Variants in RASGRP3 observed in about 807,000 individuals in gnomAD.
RASGRP3 encodes ras guanyl-releasing protein 3.
A neutral mutation model predicts 82.7 loss-of-function variants in RASGRP3; 54 were observed. The observed-to-expected ratio is 0.65, with a 90% CI of 0.52 to 0.82. RASGRP3 has a LOEUF of 0.82. Among genes scored for constraint, RASGRP3 ranks in the 40% least tolerant of loss-of-function variants. The pLI is 0.00. For missense variants in RASGRP3, 861 were observed against 828.9 expected, an observed-to-expected ratio of 1.04 and a Z score of -0.48; for synonymous variants, 309 against 300.5, an observed-to-expected ratio of 1.03 and a Z score of -0.29.
At chr2:33,552,026 CA>C (rs59430355) in intron 14 of RASGRP3, among the ~76,000 whole-genome samples, 17,090 of 86,028 alleles carry the variant, frequency 0.2, 1,590 homozygotes, top group African/African-American at 0.41. Context: ...AACAAACAAA[CA>C]GAGAAACAAA....
intron 2 of RASGRP3, among the ~76,000 whole-genome samples, chr2:33,470,294 T>TA (rs1666978430): frequency 1.3e-5 from 2 of 152,182 alleles, no homozygotes; most frequent in Non-Finnish European, 2.9e-5. Context: ...TCAGTAAAGT[T>TA]ACATTTTTAA....
intron 2 of RASGRP3, among the ~76,000 whole-genome samples, chr2:33,453,088 T>C (rs897938894): frequency 2.6e-5 from 4 of 152,212 alleles, no homozygotes; most frequent in Admixed American, 2.6e-4. Context: ...ATGACACTCT[T>C]TCTCGCCCTC....
chr2:33,490,640 A>G (rs1000292150), intron 1 of RASGRP3, among the ~76,000 whole-genome samples: 9 of 152,224 alleles, frequency 5.9e-5, no homozygotes, highest in Admixed American at 5.9e-4. Flanking sequence ...TAGATGTTGG[A>G]AAGCCCAAGG....
upstream of RASGRP3, among the ~76,000 whole-genome samples, chr2:33,475,661 C>T (rs1028903674): frequency 6.6e-5 from 10 of 152,130 alleles, no homozygotes; most frequent in Non-Finnish European, 1.5e-4. Context: ...CAAGGTCAGA[C>T]ACTACGTAAA....
At chr2:33,549,794 G>T (rs143848038) in intron 14 of RASGRP3, 43 bp downstream of exon 14, 5 of 1,570,622 alleles carry the variant, frequency 3.2e-6, no homozygotes, top group African/African-American at 1.4e-5. Context: ...GTAGTTATTT[G>T]TGTGGCATTC....
rs1235554417 is a variant in RASGRP3, at chr2:33,564,362, T to C, written c.*1625T>C. Reference sequence around the variant, plus strand: ...TCAGTTGGAGGAGCTGTGATTAAGCTGGATAATAAGAGAACGTGCCATCTG... The same window carrying C: ...TCAGTTGGAGGAGCTGTGATTAAGCCGGATAATAAGAGAACGTGCCATCTG... On this transcript the variant is annotated 3_prime_UTR_variant, in exon 18 of 18. Coordinates refer to ENST00000403687, the MANE Select transcript of RASGRP3 (RefSeq NM_001139488.2). The C allele has an allele frequency of 6.6e-6, 1 of 152,210 alleles. No individual in the cohort carries two copies. The highest frequency in any genetic ancestry group is 1.5e-5 in the Non-Finnish European group (1 of 68,032). The allele number at this position is 152,210 out of a possible 1,614,324, so 9.4% of individuals were successfully genotyped here.
intron 1 of RASGRP3, among the ~76,000 whole-genome samples, chr2:33,507,194 A>T (rs1296500284): frequency 6.6e-6 from 1 of 152,198 alleles, no homozygotes; most frequent in Non-Finnish European, 1.5e-5. Flanking sequence ...TCAGGAATTC[A>T]GACCATCCTG....
At chr2:33,558,365 T>C in intron 16 of RASGRP3, 29 bp downstream of exon 16, 1 of 1,612,238 alleles carries the variant, frequency 6.2e-7, no homozygotes, top group Non-Finnish European at 8.5e-7. Context: ...TTTGCTGCCA[T>C]GGTCTCTTTC....
chr2:33,529,468 A>T (rs1360280289), intron 10 of RASGRP3, among the ~76,000 whole-genome samples: 1 of 95,584 alleles, frequency 1.0e-5, no homozygotes, highest in East Asian at 3.2e-4. Context: ...GCACTGGGCG[A>T]CAGAGCGAGA....
At chr2:33,531,803 GC>G (rs1673129070) in intron 10 of RASGRP3, 1 of 151,988 alleles carries the variant, frequency 6.6e-6, no homozygotes. Flanking sequence ...GCATCTCCTT[GC>G]CTTACTGTGT....
At chr2:33,496,752 A>C (rs1348819671) in intron 1 of RASGRP3, among the ~76,000 whole-genome samples, 1 of 152,138 alleles carries the variant, frequency 6.6e-6, no homozygotes, top group Non-Finnish European at 1.5e-5. Flanking sequence ...AACTACTCAG[A>C]AGGCTGAGAT....
rs1408682684 is a variant in RASGRP3 at position 33,564,326 on chromosome 2, A to T, written c.*1589A>T. 6.6e-6 allele frequency: 1 copy of T among 151,962 alleles called. No individual in the cohort carries two copies. Among genetic ancestry groups the T allele is most frequent in the East Asian group, 1.9e-4 (1 of 5,180 alleles). The allele number at this position is 151,962 out of a possible 1,614,324, so 9.4% of individuals were successfully genotyped here. A position where few individuals can be genotyped will look rare whatever the true frequency, so the allele number is the denominator to read the frequency against. On this transcript the variant is annotated 3_prime_UTR_variant, in exon 18 of 18. Coordinates refer to ENST00000403687, the MANE Select transcript of RASGRP3 (RefSeq NM_001139488.2). ...TTACAGATTGGAAATACTGCAGATG[A>T]TGTGAAGTTATCAGTTGGAGGAGCT...
chr2:33,458,326 T>C (rs975867763), intron 2 of RASGRP3, among the ~76,000 whole-genome samples: 2 of 152,226 alleles, frequency 1.3e-5, no homozygotes, highest in Admixed American at 6.5e-5. Flanking sequence ...CCTTAATTTA[T>C]ATTGAATATA....
At position 33,483,486 on chromosome 2, in the gene RASGRP3, A is replaced by ATTT. The variant is rs202150682; in HGVS notation, c.-261+6797_-261+6799dup. 9.4e-3 allele frequency among the ~76,000 whole-genome samples: 1,183 copies of ATTT among 125,892 alleles called. 28 individuals are homozygous for ATTT. The highest frequency in any genetic ancestry group is 0.024 in the East Asian group (102 of 4,318). The allele number at this position is 125,892 out of a possible 152,430, so 82.6% of individuals were successfully genotyped here. On this transcript the variant is annotated intron_variant, in intron 1 of 17. Coordinates refer to ENST00000403687, the MANE Select transcript of RASGRP3 (RefSeq NM_001139488.2). ...ATCCCAGAGGCATGTTTTAGCCACT[A>ATTT]TTTTTTTTTTTTTTTTTTTTGAGAC...
chr2:33,473,779 C>G (rs1205308590), upstream of RASGRP3, among the ~76,000 whole-genome samples: 4 of 152,158 alleles, frequency 2.6e-5, no homozygotes, highest in African/African-American at 9.7e-5. Context: ...ATCCCTTCCT[C>G]TCCTGGCTAT....
At chr2:33,487,836 A>G (rs1340130171) in intron 1 of RASGRP3, among the ~76,000 whole-genome samples, 1 of 152,178 alleles carries the variant, frequency 6.6e-6, no homozygotes, top group Non-Finnish European at 1.5e-5. Flanking sequence ...ATGGTGGCTC[A>G]TGCTTGTAAT....
Position 33,462,546 on chromosome 2 carries a change from A to G in RASGRP3, c.-261+14603A>G, listed in dbSNP as rs187485262. Among the ~76,000 whole-genome samples the G allele has an allele frequency of 4.0e-5, 6 of 151,880 alleles. No homozygotes were observed. The East Asian group carries it at 1.2e-3, about 29-fold the overall frequency. On this transcript the variant is annotated intron_variant, in intron 2 of 18. Transcript: ENST00000402538. ...GCAGCCGCCACCATAGCCCGGCTAG[A>G]TTTGTATTTTTAGTAGAGATGGGGT...
intron 13 of RASGRP3, among the ~76,000 whole-genome samples, chr2:33,544,241 G>C (rs1674532420): frequency 6.6e-6 from 1 of 152,080 alleles, no homozygotes; most frequent in Non-Finnish European, 1.5e-5. Context: ...TTGAGCCTGG[G>C]AGGCAGAGGT....
At chr2:33,451,229 C>G (rs1350349796) in intron 2 of RASGRP3, among the ~76,000 whole-genome samples, 4 of 152,094 alleles carry the variant, frequency 2.6e-5, no homozygotes, top group Non-Finnish European at 5.9e-5. Context: ...TCTTCAGGTC[C>G]TTTATCCATT....
Sources: gnomAD v4.1 joint callset for allele counts (sites outside exome capture counted in the v4.1 genomes callset) on GRCh38, gnomAD v4.1.1 for gene constraint, MANE v1.5 for transcripts, NCBI Gene and HGNC (gene_info 2026-07-23, HGNC 2026-07-21) for gene names.